The following MFHAS1 variants were observed in gnomAD, a reference collection of about 807,000 sequenced individuals.
MFHAS1 encodes the protein malignant fibrous histiocytoma-amplified sequence 1.
In MFHAS1, 50 loss-of-function variants were observed where a neutral mutation model predicts 70.4. The observed-to-expected ratio is 0.71, with a 90% confidence interval of 0.57 to 0.90. The LOEUF (loss-of-function observed/expected upper bound fraction) is 0.90, where lower values mean the gene tolerates loss of function less well. Ranked by LOEUF, MFHAS1 falls within the 40% of genes least tolerant of loss-of-function variation. MFHAS1 has a pLI of 0.00. For missense variants in MFHAS1, 1,795 were observed against 1,347.6 expected, an observed-to-expected ratio of 1.33 and a Z score of -5.20; for synonymous variants, 952 against 620.0, an observed-to-expected ratio of 1.54 and a Z score of -7.96.
chr8:8,877,408 T>C (rs1444911581), intron 1 of MFHAS1, among the ~76,000 whole-genome samples: 2 of 150,758 alleles, frequency 1.3e-5, no homozygotes, highest in East Asian at 3.9e-4. Flanking sequence ...AAAGTAAATA[T>C]AGTGAAACTT....
chr8:8,825,832 T>G (rs751536030), intron 1 of MFHAS1, among the ~76,000 whole-genome samples: 1 of 152,188 alleles, frequency 6.6e-6, no homozygotes, highest in Non-Finnish European at 1.5e-5. Flanking sequence ...AAATCCTGGA[T>G]GTCTTTTCTT....
intron 1 of MFHAS1, among the ~76,000 whole-genome samples, chr8:8,825,506 G>A (rs537092657): frequency 6.6e-6 from 1 of 152,176 alleles, no homozygotes; most frequent in Non-Finnish European, 1.5e-5. Flanking sequence ...AAATTCTGGA[G>A]TCTGGAAGTC....
intron 1 of MFHAS1, among the ~76,000 whole-genome samples, chr8:8,839,529 C>G (rs1807724682): frequency 6.6e-6 from 1 of 152,192 alleles, no homozygotes; most frequent in Non-Finnish European, 1.5e-5. Flanking sequence ...AAATTAGTGA[C>G]TGTGGGTAAG....
At chr8:8,833,057 T>C (rs1807466171) in intron 1 of MFHAS1, among the ~76,000 whole-genome samples, 1 of 152,038 alleles carries the variant, frequency 6.6e-6, no homozygotes, top group South Asian at 2.1e-4. Context: ...GGAGCAGGTG[T>C]CTTACATGGC....
Position 8,891,650 on chromosome 8 carries a change from C to T in MFHAS1, c.1409G>A (p.Gly470Asp). ...TAAGTCATACACGATGAACCGCAGGCCCCGGGAGGCATCGGCCGTCCAGCT... is the reference window on the plus strand; with the variant it reads ...TAAGTCATACACGATGAACCGCAGGTCCCGGGAGGCATCGGCCGTCCAGCT... ...VTSWTADASRGLRFIVYDLAG... is the reference protein window; with the variant it reads ...VTSWTADASRDLRFIVYDLAG... Residue 470 changes from glycine to aspartate, a missense_variant, in exon 1 of 3, where the codon GGC (glycine) becomes GAC (aspartate). Gly to Asp is a moderately conservative substitution (Grantham distance 94, BLOSUM62 -1). Transcript: ENST00000276282. This position sits in a 1 kb window ranked among gnomAD's most constrained non-coding sequence, Gnocchi z 5.4. 1 of 1,613,636 alleles carries T rather than the reference C, an allele frequency of 6.2e-7. No individual in the cohort carries two copies. The highest frequency in any genetic ancestry group is 8.5e-7 in the Non-Finnish European group (1 of 1,180,028).
intron 1 of MFHAS1, among the ~76,000 whole-genome samples, chr8:8,885,494 C>G (rs187663994): frequency 6.6e-6 from 1 of 152,268 alleles, no homozygotes; most frequent in African/African-American, 2.4e-5. Context: ...TTAATGTACC[C>G]TCACTCAACT....
rs1464346697 is a variant in MFHAS1 at position 8,890,482 on chromosome 8, G to C, written c.2577C>G (p.Pro859=). The C allele has an allele frequency of 6.2e-7, 1 of 1,613,814 alleles. No individual in the cohort carries two copies. Among genetic ancestry groups the C allele is most frequent in the South Asian group, 1.1e-5 (1 of 91,080 alleles). The change falls in exon 1 of 3, where the codon CCC becomes CCG. Residue 859 remains proline, a synonymous_variant. Transcript: ENST00000276282. ...KFPCYVQNEV[P]HAEAWINGTN... is the part of the protein sequence containing the mutation. Reference sequence around the variant, plus strand: ...TCCCATTAATCCAGGCTTCTGCATGGGGCACCTCGTTCTGCACATAGCATG... The same window carrying C: ...TCCCATTAATCCAGGCTTCTGCATGCGGCACCTCGTTCTGCACATAGCATG...
intron 1 of MFHAS1, among the ~76,000 whole-genome samples, chr8:8,863,098 A>G (rs761124116): frequency 1.4e-4 from 22 of 152,236 alleles, no homozygotes; most frequent in Non-Finnish European, 2.8e-4. Flanking sequence ...ACTTGAAAAT[A>G]TTCTTTCCTC....
Position 8,810,353 on chromosome 8 carries a change from A to G in MFHAS1, c.2999-12862T>C, listed in dbSNP as rs2117281471. Among the ~76,000 whole-genome samples, 5 of 152,312 alleles carry G rather than the reference A, an allele frequency of 3.3e-5. No homozygotes were observed. The Middle Eastern group carries it at 0.01, about 311-fold the overall frequency. On this transcript the variant is annotated intron_variant, in intron 1 of 2. Transcript: ENST00000276282. ...TGTACTCCAGTATGGGCGGCAAAGC[A>G]AGACCGTCTTGGGAAAAAACAAATG...
intron 1 of MFHAS1, among the ~76,000 whole-genome samples, chr8:8,870,178 T>C (rs1809021149): frequency 6.6e-6 from 1 of 151,654 alleles, no homozygotes; most frequent in African/African-American, 2.4e-5. Context: ...ACACGGGATA[T>C]GTACAGTGGT....
chr8:8,813,626 A>G (rs1399584469), intron 1 of MFHAS1, among the ~76,000 whole-genome samples: 1 of 152,236 alleles, frequency 6.6e-6, no homozygotes, highest in Non-Finnish European at 1.5e-5. Flanking sequence ...CAATAAGGAT[A>G]TAAAGAAACA....
intron 1 of MFHAS1, among the ~76,000 whole-genome samples, chr8:8,815,456 T>A (rs1348429498): frequency 6.6e-6 from 1 of 152,182 alleles, no homozygotes; most frequent in South Asian, 2.1e-4. Flanking sequence ...TCTTCCACAA[T>A]GGTTGAACTA....
Position 8,891,325 on chromosome 8 carries a change from C to G in MFHAS1, c.1734G>C (p.Glu578Asp). 6.2e-7 allele frequency: 1 copy of G among 1,611,290 alleles called. No individual in the cohort carries two copies. The highest frequency in any genetic ancestry group is 8.5e-7 in the Non-Finnish European group (1 of 1,180,036). The change falls in exon 1 of 3, where the codon GAG (glutamate) becomes GAC (aspartate). Residue 578 changes from glutamate to aspartate, a missense_variant. By Grantham distance (45) the Glu-to-Asp change is conservative (BLOSUM62 2). Transcript: ENST00000276282. This position sits in a 1 kb window ranked among gnomAD's most constrained non-coding sequence, Gnocchi z 5.4. ...GLSRLAKVVDEALARDFELRS... is the reference protein window; with the variant it reads ...GLSRLAKVVDDALARDFELRS... ...GCAGCTCGAAGTCCCGGGCCAGTGC[C>G]TCGTCCACCACCTTGGCCAAGCGGC...
intron 1 of MFHAS1, among the ~76,000 whole-genome samples, chr8:8,848,775 G>A (rs796445711): frequency 8.5e-5 from 13 of 152,204 alleles, no homozygotes; most frequent in Non-Finnish European, 1.3e-4. Flanking sequence ...GCAAGCAGTC[G>A]GCCCACAGGC....
At chr8:8,789,456 G>A (rs991915526) in intron 2 of MFHAS1, among the ~76,000 whole-genome samples, 1 of 152,146 alleles carries the variant, frequency 6.6e-6, no homozygotes, top group African/African-American at 2.4e-5. Context: ...GAGGTCTGGG[G>A]CTGAAGGGAG....
chr8:8,796,052 C>G (rs1293565050), intron 2 of MFHAS1, among the ~76,000 whole-genome samples: 1 of 152,182 alleles, frequency 6.6e-6, no homozygotes, highest in East Asian at 1.9e-4. Context: ...GGCATTTCAT[C>G]TCAGCTTAAA....
At chr8:8,847,044 AAC>A (rs1214920958) in intron 1 of MFHAS1, among the ~76,000 whole-genome samples, 17 of 152,314 alleles carry the variant, frequency 1.1e-4, no homozygotes, top group African/African-American at 4.1e-4. Flanking sequence ...CCCTCCTCCA[AAC>A]ACACTCAGAA....
rs542581694 is a variant in MFHAS1 at position 8,832,661 on chromosome 8, C to T, written c.2999-35170G>A. 8.3e-4 allele frequency among the ~76,000 whole-genome samples: 114 copies of T among 137,614 alleles called. 1 individual carries two copies. The highest frequency in any genetic ancestry group is 2.9e-3 in the African/African-American group (108 of 37,438). 90.3% of individuals were successfully genotyped at this position (137,614 alleles called of 152,430 possible). On this transcript the variant is annotated intron_variant, in intron 1 of 2. Coordinates refer to ENST00000276282, the MANE Select transcript of MFHAS1 (RefSeq NM_004225.3). ...TTTTTTTTTTCAAGACAGAGTCTCT[C>T]TCTGTTGCCCAGGCTGGAGTGTGGT...
At chr8:8,857,568 C>G (rs1045127997) in intron 1 of MFHAS1, among the ~76,000 whole-genome samples, 2 of 151,990 alleles carry the variant, frequency 1.3e-5, no homozygotes, top group African/African-American at 4.8e-5. Flanking sequence ...ACCAGCCTGG[C>G]CAATATTGTG....
Sources: gnomAD v4.1 joint callset for allele counts (sites outside exome capture counted in the v4.1 genomes callset) on GRCh38, gnomAD v4.1.1 for gene constraint, Gnocchi (gnomAD v3.1) non-coding constraint, MANE v1.5 for transcripts, NCBI Gene and HGNC (gene_info 2026-07-23, HGNC 2026-07-21) for gene names.